PGM5: variants seen among roughly 807,000 people sequenced by gnomAD.
PGM5 encodes the protein phosphoglucomutase 5, also known as phosphoglucomutase-like protein 5.
A neutral mutation model predicts 59.2 loss-of-function variants in PGM5; 23 were observed. That is an observed-to-expected ratio of 0.39 (90% CI 0.28 to 0.55). PGM5 has a LOEUF of 0.55. Ranked by LOEUF, PGM5 falls within the 20% of genes least tolerant of loss-of-function variation. The probability of loss-of-function intolerance (pLI) is 0.66; values close to 1 mark genes in which losing one functional copy is unlikely to be tolerated. For synonymous variants in PGM5, 214 were observed against 286.0 expected (o/e 0.75, Z 2.54); for missense variants, 574 against 748.3 (o/e 0.77, Z 2.72).
At chr9:68,411,691 A>G (rs382636) in intron 6 of PGM5, among the ~76,000 whole-genome samples, 148,372 of 152,088 alleles carry the variant, frequency 0.98, 72,498 homozygotes, top group East Asian at 1. Flanking sequence ...CTGTCAAAAA[A>G]CATTTTATGA....
At chr9:68,483,318 A>G (rs1824228953) in intron 8 of PGM5, among the ~76,000 whole-genome samples, 1 of 152,228 alleles carries the variant, frequency 6.6e-6, no homozygotes, top group Admixed American at 6.5e-5. Flanking sequence ...TGCCTTAGAT[A>G]GATGGTCAGA....
chr9:68,502,401 G>A (rs1038584359), intron 10 of PGM5, among the ~76,000 whole-genome samples: 1 of 152,200 alleles, frequency 6.6e-6, no homozygotes, highest in African/African-American at 2.4e-5. Flanking sequence ...CAATTTATTA[G>A]CAGGGCTGCT....
Position 68,384,497 on chromosome 9 carries a change from T to C in PGM5, c.524T>C (p.Leu175Pro), listed in dbSNP as rs1178745944. 14 of 1,610,614 alleles carry C rather than the reference T, an allele frequency of 8.7e-6. No individual in the cohort carries two copies. The Middle Eastern group carries it at 5.0e-4, about 57-fold the overall frequency. ...CPDLRIDLSR[L>P]GRQEFDLENK... is the part of the protein sequence containing the mutation. Reference sequence around the variant, plus strand: ...GATCTCCGAATCGACCTATCTCGACTAGGAAGACAAGAATTTGACCTAGAA... The same window carrying C: ...GATCTCCGAATCGACCTATCTCGACCAGGAAGACAAGAATTTGACCTAGAA... The change falls in exon 3 of 11, where the codon CTA (leucine) becomes CCA (proline). Residue 175 changes from leucine (L) to proline (P), a missense_variant. Transcript: ENST00000396396.
chr9:68,488,632 A>C (rs1483599920), intron 9 of PGM5, among the ~76,000 whole-genome samples: 1 of 152,138 alleles, frequency 6.6e-6, no homozygotes, highest in Non-Finnish European at 1.5e-5. Context: ...GGCTGCCTCC[A>C]AGTGTCTGAT....
intron 6 of PGM5, among the ~76,000 whole-genome samples, chr9:68,440,103 T>C (rs1823503007): frequency 6.6e-6 from 1 of 152,062 alleles, no homozygotes; most frequent in Non-Finnish European, 1.5e-5. Flanking sequence ...AAAAGAGAAA[T>C]AGACAAATCC....
chr9:68,434,825 T>C (rs1384193969), intron 6 of PGM5, among the ~76,000 whole-genome samples: 1 of 151,882 alleles, frequency 6.6e-6, no homozygotes, highest in Admixed American at 6.6e-5. Context: ...TGATGTAGGG[T>C]CCTGACTAGA....
At chr9:68,466,211 A>G (rs1554685797) in intron 7 of PGM5, 1 of 1,283,208 alleles carries the variant, frequency 7.8e-7, no homozygotes. Flanking sequence ...TTCTTTCCTT[A>G]GCTGTGTCCA....
intron 6 of PGM5, among the ~76,000 whole-genome samples, chr9:68,421,682 A>G (rs1245859582): frequency 6.6e-6 from 1 of 152,122 alleles, no homozygotes; most frequent in Non-Finnish European, 1.5e-5. Context: ...ATACCACTGT[A>G]CTCCAGCCTG....
At chr9:68,415,952 C>T (rs1294603648) in intron 6 of PGM5, among the ~76,000 whole-genome samples, 1 of 151,240 alleles carries the variant, frequency 6.6e-6, no homozygotes, top group Non-Finnish European at 1.5e-5. Context: ...TTTCTGGGAG[C>T]TAGAAACTAT....
At chr9:68,449,294 G>T (rs1174302351) in intron 6 of PGM5, among the ~76,000 whole-genome samples, 1 of 152,206 alleles carries the variant, frequency 6.6e-6, no homozygotes, top group African/African-American at 2.4e-5. Flanking sequence ...CTCTAGCTTT[G>T]CTTCCCAGAA....
chr9:68,379,265 T>C (rs1822004035), intron 2 of PGM5, among the ~76,000 whole-genome samples: 1 of 152,208 alleles, frequency 6.6e-6, no homozygotes, highest in Admixed American at 6.5e-5. Context: ...CTCTTAAATC[T>C]CTTTTAATCT....
At chr9:68,456,843 T>G (rs1554684912) in intron 6 of PGM5, among the ~76,000 whole-genome samples, 1 of 151,010 alleles carries the variant, frequency 6.6e-6, no homozygotes, top group Non-Finnish European at 1.5e-5. Flanking sequence ...CCAGGCTGGT[T>G]TTGAACTCCT....
At chr9:68,522,116 G>A (rs1191595849) in intron 10 of PGM5, among the ~76,000 whole-genome samples, 1 of 152,154 alleles carries the variant, frequency 6.6e-6, no homozygotes, top group Non-Finnish European at 1.5e-5. Context: ...TTAGGTGGGT[G>A]TGGTGGTGTG....
chr9:68,396,201 C>T (rs1822496569), intron 6 of PGM5: 1 of 152,112 alleles, frequency 6.6e-6, no homozygotes, highest in Admixed American at 6.6e-5. Context: ...GTATTACTCT[C>T]CTCATATTAA....
At chr9:68,512,460 G>A (rs1824764658) in intron 10 of PGM5, among the ~76,000 whole-genome samples, 1 of 152,224 alleles carries the variant, frequency 6.6e-6, no homozygotes, top group Admixed American at 6.5e-5. Flanking sequence ...GAGGTTAGAA[G>A]TCTGAGATGA....
In PGM5 at chr9:68,371,433, A is replaced by G. The variant is rs376443261; in HGVS notation, c.262-6766A>G. Among the ~76,000 whole-genome samples the G allele has an allele frequency of 1.1e-4, 17 of 152,306 alleles. No individual in the cohort carries two copies. The South Asian group carries it at 3.3e-3, about 30-fold the overall frequency. ...TTCTAGGACTTTTTCAGAGAGTAAAATGGTACTTTAAGGGATAATCTGCTA... is the reference window on the plus strand; with the variant it reads ...TTCTAGGACTTTTTCAGAGAGTAAAGTGGTACTTTAAGGGATAATCTGCTA... On this transcript the variant is annotated intron_variant, in intron 1 of 10. Transcript: ENST00000396396.
chr9:68,393,465 G>A (rs1822417477), intron 6 of PGM5, among the ~76,000 whole-genome samples: 1 of 151,852 alleles, frequency 6.6e-6, no homozygotes, highest in Non-Finnish European at 1.5e-5. Context: ...ATAAATTTTG[G>A]CCGGGCGTGG....
Position 68,391,730 on chromosome 9 carries a change from T to A in PGM5, c.888+6T>A. 6.2e-7 allele frequency: 1 copy of A among 1,612,558 alleles called. No homozygotes were observed. The highest frequency in any genetic ancestry group is 8.5e-7 in the Non-Finnish European group (1 of 1,178,976). On this transcript the variant is annotated splice_donor_region_variant and intron_variant, in intron 5 of 10. Coordinates refer to ENST00000396396, the MANE Select transcript of PGM5 (RefSeq NM_021965.4). ...CTGCATTTGATGCTGATGGGGTAAG[T>A]AGGAAAGCTGTCTGTCTGCTGACCC...
intron 6 of PGM5, among the ~76,000 whole-genome samples, chr9:68,427,883 C>T (rs1554682783): frequency 6.6e-6 from 1 of 152,100 alleles, no homozygotes; most frequent in Non-Finnish European, 1.5e-5. Flanking sequence ...CTCTAAATTT[C>T]TTGTTATTGT....
Sources: allele counts gnomAD v4.1 joint callset (sites outside exome capture counted in the v4.1 genomes callset), GRCh38; gene constraint gnomAD v4.1.1; transcripts MANE v1.5; gene names NCBI Gene and HGNC (gene_info 2026-07-23, HGNC 2026-07-21).